The following NOX4 variants were observed in gnomAD, a reference collection of about 807,000 sequenced individuals.
NOX4 encodes the protein NADPH oxidase 4, also known as kidney oxidase-1.
In NOX4, 69 loss-of-function variants were observed where a neutral mutation model predicts 87.6. The observed-to-expected ratio is 0.79, with a 90% CI of 0.65 to 0.96. The LOEUF (loss-of-function observed/expected upper bound fraction) is 0.96, where lower values mean the gene tolerates loss of function less well. NOX4 is among the 40% of genes least tolerant of loss of function. NOX4 has a pLI of 0.00. For synonymous variants in NOX4, 275 were observed against 238.2 expected (o/e 1.15, Z -1.42); for missense variants, 680 against 681.5 (o/e 1.00, Z 0.02).
chr11:89,368,432 T>A (rs1939181374), intron 12 of NOX4, among the ~76,000 whole-genome samples: 1 of 152,096 alleles, frequency 6.6e-6, no homozygotes, highest in African/African-American at 2.4e-5. Flanking sequence ...AAGTACAAGA[T>A]CAAGGCACCA....
chr11:89,567,376 A>G, the NOX4 span, among the ~76,000 whole-genome samples: 1 of 152,032 alleles, frequency 6.6e-6, no homozygotes, highest in Non-Finnish European at 1.5e-5. Context: ...TCCTACTACT[A>G]TGCTATGGTG....
At chr11:89,538,169 T>G in the NOX4 span, among the ~76,000 whole-genome samples, 9 of 152,222 alleles carry the variant, frequency 5.9e-5, no homozygotes, top group Non-Finnish European at 1.0e-4. Context: ...CCAACTGCAG[T>G]TCCATTCATC....
the NOX4 span, among the ~76,000 whole-genome samples, chr11:89,562,608 T>C: frequency 6.6e-6 from 1 of 152,184 alleles, no homozygotes; most frequent in East Asian, 1.9e-4. Flanking sequence ...TTCATCCTCA[T>C]AAGGCTCAAG....
At chr11:89,544,096 T>C in the NOX4 span, among the ~76,000 whole-genome samples, 90 of 152,222 alleles carry the variant, frequency 5.9e-4, no homozygotes, top group African/African-American at 2.1e-3. Context: ...TATTAAACCC[T>C]GTGTTGGTAA....
the NOX4 span, among the ~76,000 whole-genome samples, chr11:89,546,284 C>A: frequency 2.0e-5 from 3 of 152,082 alleles, no homozygotes; most frequent in African/African-American, 7.2e-5. Context: ...AGACATGTTT[C>A]CAGTTCTTAA....
chr11:89,453,320 G>T (rs1945050221), intron 2 of NOX4, among the ~76,000 whole-genome samples: 1 of 151,990 alleles, frequency 6.6e-6, no homozygotes, highest in Admixed American at 6.6e-5. Context: ...TCTGTGCCTG[G>T]CTTATTTCAC....
At chr11:89,444,024 A>T in intron 5 of NOX4, 111 bp downstream of exon 5, 1 of 802,888 alleles carries the variant, frequency 1.2e-6, no homozygotes, top group Non-Finnish European at 2.1e-6. Context: ...ACTGCATTTT[A>T]AAAGCACTCA....
chr11:89,554,637 G>T, the NOX4 span, among the ~76,000 whole-genome samples: 1 of 152,052 alleles, frequency 6.6e-6, no homozygotes, highest in Admixed American at 6.5e-5. Context: ...TACCTAATTC[G>T]GTATCTCATC....
At chr11:89,539,264 C>T in the NOX4 span, among the ~76,000 whole-genome samples, 1 of 151,910 alleles carries the variant, frequency 6.6e-6, no homozygotes, top group Non-Finnish European at 1.5e-5. Context: ...AAAACCCATC[C>T]CTACTAAAAA....
At chr11:89,383,491 ACC>A in intron 11 of NOX4, among the ~76,000 whole-genome samples, 1 of 152,256 alleles carries the variant, frequency 6.6e-6, no homozygotes, top group East Asian at 1.9e-4. Flanking sequence ...AGCCTCCTGG[ACC>A]ATCACAGACA....
chr11:89,517,389 G>GCAAT, the NOX4 span, among the ~76,000 whole-genome samples: 1 of 152,104 alleles, frequency 6.6e-6, no homozygotes, highest in South Asian at 2.1e-4. Context: ...ACTTGACCAA[G>GCAAT]CAATCCTTCC....
intron 7 of NOX4, among the ~76,000 whole-genome samples, chr11:89,428,250 A>G (rs916673779): frequency 6.6e-6 from 1 of 152,110 alleles, no homozygotes; most frequent in Non-Finnish European, 1.5e-5. Context: ...AACCGGTACC[A>G]GCCACAGCAG....
the NOX4 span, among the ~76,000 whole-genome samples, chr11:89,552,147 A>G: frequency 1.3e-5 from 2 of 152,334 alleles, no homozygotes; most frequent in East Asian, 3.9e-4. Context: ...AGAAAAAGGC[A>G]TAACCTGTAG....
the NOX4 span, among the ~76,000 whole-genome samples, chr11:89,573,989 G>A: frequency 6.6e-6 from 1 of 152,084 alleles, no homozygotes; most frequent in African/African-American, 2.4e-5. Context: ...CTGATATTTT[G>A]CCTCTTAATG....
intron 12 of NOX4, among the ~76,000 whole-genome samples, chr11:89,360,710 A>G (rs983383041): frequency 6.6e-6 from 1 of 152,102 alleles, no homozygotes; most frequent in African/African-American, 2.4e-5. Context: ...CATCTGACAA[A>G]GGACTAGTTT....
intron 1 of NOX4, 146 bp from the exon 2 acceptor site, chr11:89,490,699 C>T (rs1285083251): frequency 1.4e-6 from 1 of 720,976 alleles, no homozygotes; most frequent in Non-Finnish European, 2.5e-6. Context: ...AATTAACCAG[C>T]AAGCTGAAAA....
upstream of NOX4, among the ~76,000 whole-genome samples, chr11:89,499,645 A>T (rs1338516858): frequency 6.6e-6 from 1 of 152,152 alleles, no homozygotes; most frequent in African/African-American, 2.4e-5. Context: ...CCATTCTCAC[A>T]ATTGGATCAC....
At chr11:89,426,273 C>A (rs1446270352) in intron 7 of NOX4, among the ~76,000 whole-genome samples, 1 of 152,036 alleles carries the variant, frequency 6.6e-6, no homozygotes, top group Non-Finnish European at 1.5e-5. Flanking sequence ...AGGAACAGCT[C>A]CAGTCTACAG....
chr11:89,328,368 T>G (rs1359249508), intron 17 of NOX4, among the ~76,000 whole-genome samples: 3 of 152,172 alleles, frequency 2.0e-5, no homozygotes, highest in Non-Finnish European at 4.4e-5. Flanking sequence ...GGCAATGGGT[T>G]GTATTCTCAG....
Sources: gnomAD v4.1 joint callset for allele counts (sites outside exome capture counted in the v4.1 genomes callset) on GRCh38, gnomAD v4.1.1 for gene constraint, MANE v1.5 for transcripts, NCBI Gene and HGNC (gene_info 2026-07-23, HGNC 2026-07-21) for gene names.